The following YTHDF3 variants were observed in gnomAD, a reference collection of about 807,000 sequenced individuals.
YTHDF3 encodes YTH domain-containing family protein 3.
In YTHDF3, 9 loss-of-function variants were observed where a neutral mutation model predicts 52.5. That is an observed-to-expected ratio of 0.17 (90% CI 0.10 to 0.30). YTHDF3 has a LOEUF of 0.30. YTHDF3 is among the 10% of genes least tolerant of loss of function. The pLI is 1.00. For synonymous variants in YTHDF3, 274 were observed against 243.3 expected (o/e 1.13, Z -1.18); for missense variants, 534 against 715.0 (o/e 0.75, Z 2.89).
intron 4 of YTHDF3, among the ~76,000 whole-genome samples, chr8:63,208,622 A>G (rs1054448957): frequency 3.9e-5 from 6 of 152,180 alleles, no homozygotes; most frequent in African/African-American, 1.4e-4. Context: ...ACTAAGTTAC[A>G]CATTAAAACA....
chr8:63,201,394 G>A (rs561546857), intron 4 of YTHDF3, among the ~76,000 whole-genome samples: 1 of 152,130 alleles, frequency 6.6e-6, no homozygotes, highest in Non-Finnish European at 1.5e-5. Context: ...AATTTACATT[G>A]TGTTTTCAAT....
intron 4 of YTHDF3, chr8:63,188,694 TA>T: frequency 1.4e-5 from 1 of 69,654 alleles, no homozygotes; most frequent in African/African-American, 6.1e-5. Context: ...TATATATATA[TA>T]TATATATTTT....
chr8:63,174,841 A>G (rs1020686783), intron 2 of YTHDF3, among the ~76,000 whole-genome samples: 1 of 152,218 alleles, frequency 6.6e-6, no homozygotes, highest in African/African-American at 2.4e-5. Context: ...TACTGGAGAC[A>G]TTTAAGACAT....
chr8:63,193,956 A>G (rs1194926289), intron 4 of YTHDF3, among the ~76,000 whole-genome samples: 1 of 152,166 alleles, frequency 6.6e-6, no homozygotes, highest in Non-Finnish European at 1.5e-5. Flanking sequence ...CTTATAATTC[A>G]GCAGTTGTTT....
chr8:63,176,219 T>A (rs1254544230), intron 3 of YTHDF3, among the ~76,000 whole-genome samples: 1 of 152,240 alleles, frequency 6.6e-6, no homozygotes, highest in Non-Finnish European at 1.5e-5. Context: ...ACTGTTTGTT[T>A]TGCTTTAAAA....
At position 63,180,281 on chromosome 8, in the gene YTHDF3, C is replaced by T. The variant is rs764254117; in HGVS notation, c.135+4865C>T. ...GACGGGGCGGCCGGGCAGAGATGCTCCTCACATCCCGGACGGGGCGGCAGG... is the reference window on the plus strand; with the variant it reads ...GACGGGGCGGCCGGGCAGAGATGCTTCTCACATCCCGGACGGGGCGGCAGG... On this transcript the variant is annotated intron_variant, in intron 3 of 4. Transcript: ENST00000539294. Among the ~76,000 whole-genome samples the T allele has an allele frequency of 2.0e-3, 299 of 148,800 alleles. 1 individual carries two copies. The highest frequency in any genetic ancestry group is 2.7e-3 in the Non-Finnish European group (180 of 67,768).
In YTHDF3 at chr8:63,210,817, T is replaced by G. The variant is rs556936616; in HGVS notation, c.*1111T>G. 7 of 152,732 alleles carry G rather than the reference T, an allele frequency of 4.6e-5. No individual in the cohort carries two copies. Among genetic ancestry groups the G allele is most frequent in the Admixed American group, 4.6e-4 (7 of 15,290 alleles). 9.5% of individuals were successfully genotyped at this position (152,732 alleles called of 1,614,324 possible). ...AGCATATATCTGGATATTCTTATAG[T>G]TATCTTTTTAACATCTTATTTTTTT... On this transcript the variant is annotated 3_prime_UTR_variant, in exon 5 of 5. Coordinates refer to ENST00000539294, the MANE Select transcript of YTHDF3 (RefSeq NM_152758.6).
At position 63,168,837 on chromosome 8, in the gene YTHDF3, AGGCAGC is replaced by A; in HGVS notation, c.-37_-32del. 9 of 1,553,082 alleles carry A rather than the reference AGGCAGC, an allele frequency of 5.8e-6. No individual in the cohort carries two copies. Among genetic ancestry groups the A allele is most frequent in the Non-Finnish European group, 7.8e-6 (9 of 1,148,462 alleles). On this transcript the variant is annotated 5_prime_UTR_variant, in exon 1 of 5. Transcript: ENST00000539294. ...GCTGTGAGTGCACGGGGAGAGGCCC[AGGCAGC>A]GGCGGCGGCGGCGGCTCTCGGGTTG...
intron 4 of YTHDF3, among the ~76,000 whole-genome samples, chr8:63,198,608 C>T (rs1238872904): frequency 6.6e-6 from 1 of 152,096 alleles, no homozygotes; most frequent in African/African-American, 2.4e-5. Context: ...GTGCCTGATA[C>T]ATTTTTTTTC....
At chr8:63,171,853 A>G (rs983274673) in intron 2 of YTHDF3, among the ~76,000 whole-genome samples, 2 of 152,214 alleles carry the variant, frequency 1.3e-5, no homozygotes, top group African/African-American at 4.8e-5. Context: ...TCAACTTACT[A>G]TAATTTCAGA....
chr8:63,206,030 T>C (rs943977629), intron 4 of YTHDF3, among the ~76,000 whole-genome samples: 1 of 152,194 alleles, frequency 6.6e-6, no homozygotes, highest in Non-Finnish European at 1.5e-5. Flanking sequence ...CTATTTGACA[T>C]CTTTATTTAG....
At chr8:63,204,652 G>A (rs1018855388) in intron 4 of YTHDF3, among the ~76,000 whole-genome samples, 2 of 152,144 alleles carry the variant, frequency 1.3e-5, no homozygotes, top group East Asian at 1.9e-4. Flanking sequence ...ATGAGCCACC[G>A]CGCACCTGGC....
chr8:63,179,968 G>A (rs1447131643), intron 3 of YTHDF3, among the ~76,000 whole-genome samples: 17 of 151,160 alleles, frequency 1.1e-4, no homozygotes, highest in Admixed American at 9.8e-4. Flanking sequence ...CTGGCCGGGC[G>A]GGGGGCTGAT....
chr8:63,203,052 G>C (rs1809745953), intron 4 of YTHDF3, among the ~76,000 whole-genome samples: 1 of 151,998 alleles, frequency 6.6e-6, no homozygotes, highest in Non-Finnish European at 1.5e-5. Context: ...GACCAGCGTG[G>C]CCATCATGGT....
chr8:63,169,360 T>C (rs1226898421), intron 1 of YTHDF3, 27 bp from the exon 2 acceptor site: 3 of 1,597,328 alleles, frequency 1.9e-6, no homozygotes, highest in Middle Eastern at 1.7e-4. Context: ...TTCTCCTCTT[T>C]ACCGCATCTT....
chr8:63,193,193 C>T (rs1809019719), intron 4 of YTHDF3, among the ~76,000 whole-genome samples: 1 of 151,936 alleles, frequency 6.6e-6, no homozygotes, highest in South Asian at 2.1e-4. Flanking sequence ...GCCTGGCCAA[C>T]ATGGTGAAAC....
At chr8:63,208,858 T>TTTGTTG (rs374044131) in intron 4 of YTHDF3, among the ~76,000 whole-genome samples, 63 of 151,924 alleles carry the variant, frequency 4.1e-4, no homozygotes, top group Middle Eastern at 3.4e-3. Flanking sequence ...ACTCATCTTT[T>TTTGTTG]TTGTTGTTGT....
At chr8:63,205,724 G>C (rs1809986050) in intron 4 of YTHDF3, among the ~76,000 whole-genome samples, 1 of 152,112 alleles carries the variant, frequency 6.6e-6, no homozygotes. Context: ...GTGAGCCACT[G>C]CACCCGGTAG....
At chr8:63,169,713 G>A (rs1225192966) in intron 2 of YTHDF3, among the ~76,000 whole-genome samples, 1 of 152,162 alleles carries the variant, frequency 6.6e-6, no homozygotes, top group Non-Finnish European at 1.5e-5. Context: ...TGTAACTTAT[G>A]CCACAAAAAA....
Sources: gnomAD v4.1 joint callset for allele counts (sites outside exome capture counted in the v4.1 genomes callset) on GRCh38, gnomAD v4.1.1 for gene constraint, MANE v1.5 for transcripts, NCBI Gene and HGNC (gene_info 2026-07-23, HGNC 2026-07-21) for gene names.